The following CEP192 variants were observed in gnomAD, a reference collection of about 807,000 sequenced individuals.
CEP192 encodes the protein centrosomal protein 192.
CEP192 carries 151 observed loss-of-function variants against 271.8 expected under a neutral mutation model. The observed-to-expected ratio is 0.56, with a 90% CI of 0.49 to 0.64. CEP192 has a LOEUF of 0.64. Ranked by LOEUF, CEP192 falls within the 30% of genes least tolerant of loss-of-function variation. The probability of loss-of-function intolerance (pLI) is 0.00; values close to 1 mark genes in which losing one functional copy is unlikely to be tolerated. For missense variants in CEP192, 2,910 were observed against 3,020.5 expected, an observed-to-expected ratio of 0.96 and a Z score of 0.86; for synonymous variants, 995 against 1,076.5, an observed-to-expected ratio of 0.92 and a Z score of 1.48.
intron 6 of CEP192, among the ~76,000 whole-genome samples, chr18:13,016,189 C>A (rs1054390695): frequency 6.6e-6 from 1 of 152,156 alleles, no homozygotes; most frequent in Non-Finnish European, 1.5e-5. Flanking sequence ...GAAATTAACT[C>A]TGATTGAGGC....
chr18:13,095,799 G>T, intron 35 of CEP192, 118 bp downstream of exon 35: 1 of 885,866 alleles, frequency 1.1e-6, no homozygotes, highest in Non-Finnish European at 1.7e-6. Context: ...GCTGTGACTT[G>T]CCCAGGCCCT....
Position 13,032,667 on chromosome 18 carries a change from G to A in CEP192, c.1534+2059G>A, listed in dbSNP as rs77433190. Among the ~76,000 whole-genome samples the A allele has an allele frequency of 7.7e-3, 1,175 of 152,224 alleles. 17 individuals are homozygous for A. The highest frequency in any genetic ancestry group is 0.026 in the African/African-American group (1,087 of 41,520). On this transcript the variant is annotated intron_variant, in intron 11 of 44. Coordinates refer to ENST00000506447, the MANE Select transcript of CEP192 (RefSeq NM_032142.4). ...GAGTACATATGCAGCAGAATAGGGC[G>A]TATGTATTCACCAAAAGACATACTA...
At chr18:13,080,966 C>T (rs1293164222) in intron 30 of CEP192, among the ~76,000 whole-genome samples, 1 of 152,164 alleles carries the variant, frequency 6.6e-6, no homozygotes, top group Non-Finnish European at 1.5e-5. Flanking sequence ...GTTGAACCAG[C>T]CTTGCATTCC....
intron 30 of CEP192, among the ~76,000 whole-genome samples, chr18:13,084,793 A>G (rs1367254445): frequency 2.0e-5 from 3 of 151,570 alleles, no homozygotes; most frequent in African/African-American, 7.3e-5. Context: ...CACGCATGAG[A>G]TGGTATCTCA....
At chr18:13,037,196 G>C (rs886684422) in intron 11 of CEP192, 41 bp from the exon 12 acceptor site, 1 of 795,686 alleles carries the variant, frequency 1.3e-6, no homozygotes, top group African/African-American at 1.7e-5. Flanking sequence ...TGTTTGTTTA[G>C]GCATTAGTGT....
At chr18:13,100,897 A>G (rs542111805) in intron 38 of CEP192, among the ~76,000 whole-genome samples, 1 of 152,204 alleles carries the variant, frequency 6.6e-6, no homozygotes, top group Admixed American at 6.5e-5. Context: ...AGACTTGCTC[A>G]GTTTCCCCAT....
At chr18:12,996,610 C>A (rs1299224640) in intron 1 of CEP192, among the ~76,000 whole-genome samples, 1 of 152,022 alleles carries the variant, frequency 6.6e-6, no homozygotes. Context: ...GAAGATCAAG[C>A]CCTGGAGGCT....
At chr18:13,092,763 C>T (rs2039207812) in intron 34 of CEP192, among the ~76,000 whole-genome samples, 1 of 152,144 alleles carries the variant, frequency 6.6e-6, no homozygotes, top group Non-Finnish European at 1.5e-5. Context: ...AGTTTACCAC[C>T]TTTACCTTAT....
chr18:13,071,311 C>A, intron 28 of CEP192, 99 bp downstream of exon 28: 1 of 997,688 alleles, frequency 1.0e-6, no homozygotes, highest in Non-Finnish European at 1.5e-6. Context: ...AATAGACACT[C>A]TTCAGGCTCA....
At chr18:13,069,056 T>G in intron 25 of CEP192, 33 bp from the exon 26 acceptor site, 2 of 1,614,078 alleles carry the variant, frequency 1.2e-6, no homozygotes, top group Non-Finnish European at 1.7e-6. Context: ...TTGTGACAGT[T>G]CGTTGAAATG....
chr18:13,116,627 T>C (rs909076118), intron 43 of CEP192, 124 bp downstream of exon 43: 10 of 952,042 alleles, frequency 1.1e-5, no homozygotes, highest in Admixed American at 6.2e-5. Context: ...TTTTCTTTTT[T>C]TGGAGATGGA....
intron 30 of CEP192, among the ~76,000 whole-genome samples, chr18:13,077,868 A>G (rs932723622): frequency 6.6e-6 from 1 of 152,224 alleles, no homozygotes; most frequent in Non-Finnish European, 1.5e-5. Context: ...CTTAGATTCT[A>G]TAGTTAACAT....
intron 8 of CEP192, 137 bp downstream of exon 8, chr18:13,018,752 CTT>C: frequency 1.6e-6 from 1 of 612,674 alleles, no homozygotes; most frequent in East Asian, 3.2e-5. Flanking sequence ...CAGTCTAAAA[CTT>C]TTCAAAAGAG....
intron 24 of CEP192, 111 bp from the exon 25 acceptor site, chr18:13,068,741 G>C: frequency 1.9e-6 from 2 of 1,075,572 alleles, no homozygotes; most frequent in Non-Finnish European, 2.7e-6. Flanking sequence ...TAAAAAATCT[G>C]CTTGCCTAAA....
intron 1 of CEP192, among the ~76,000 whole-genome samples, chr18:12,996,740 AT>A (rs1248999387): frequency 6.6e-6 from 1 of 152,162 alleles, no homozygotes; most frequent in Non-Finnish European, 1.5e-5. Flanking sequence ...CCAAGAAAGT[AT>A]TTCCCCAAGG....
chr18:13,067,013 G>C (rs972009162), intron 21 of CEP192, among the ~76,000 whole-genome samples: 10 of 149,134 alleles, frequency 6.7e-5, no homozygotes, highest in Non-Finnish European at 1.5e-4. Flanking sequence ...GTATAATACA[G>C]TCTGTCTTCT....
At chr18:13,011,975 G>A (rs1047305531) in intron 4 of CEP192, among the ~76,000 whole-genome samples, 1 of 152,200 alleles carries the variant, frequency 6.6e-6, no homozygotes, top group Non-Finnish European at 1.5e-5. Context: ...TCCACAAAAA[G>A]GAGCAAAGTA....
Position 13,055,866 on chromosome 18 carries a change from A to G in CEP192, c.3276A>G (p.Glu1092=), listed in dbSNP as rs547337207. ...LEERAMEKLR[E]KVPFQNRGKG... Reference sequence around the variant, plus strand: ...AACGGGCTATGGAAAAATTGAGAGAAAAAGTTCCATTTCAGAATAGAGGAA... The same window carrying G: ...AACGGGCTATGGAAAAATTGAGAGAGAAAGTTCCATTTCAGAATAGAGGAA... Residue 1092 remains glutamate, a synonymous_variant, in exon 19 of 45, where the codon GAA becomes GAG. Coordinates refer to ENST00000506447, the MANE Select transcript of CEP192 (RefSeq NM_032142.4). The G allele has an allele frequency of 1.2e-6, 2 of 1,613,744 alleles. No homozygotes were observed. The highest frequency in any genetic ancestry group is 3.3e-5 in the Admixed American group (2 of 59,912).
intron 15 of CEP192, among the ~76,000 whole-genome samples, chr18:13,042,979 G>A (rs929124765): frequency 5.3e-5 from 8 of 152,186 alleles, no homozygotes; most frequent in African/African-American, 1.7e-4. Context: ...TTTCATTTCA[G>A]TGGTTTTGAC....
Sources: allele counts gnomAD v4.1 joint callset (sites outside exome capture counted in the v4.1 genomes callset), GRCh38; gene constraint gnomAD v4.1.1; transcripts MANE v1.5; gene names NCBI Gene and HGNC (gene_info 2026-07-23, HGNC 2026-07-21).